KIF18A: variants seen among roughly 807,000 people sequenced by gnomAD.
KIF18A encodes kinesin-like protein KIF18A.
In KIF18A, 67 loss-of-function variants were observed where a neutral mutation model predicts 103.3. That is an observed-to-expected ratio of 0.65 (90% CI 0.53 to 0.79). KIF18A has a LOEUF of 0.79. KIF18A is among the 30% of genes least tolerant of loss of function. KIF18A has a pLI of 0.00. For missense variants in KIF18A, 1,032 were observed against 1,062.5 expected (o/e 0.97, Z 0.40); for synonymous variants, 367 against 355.5 (o/e 1.03, Z -0.36).
intron 2 of KIF18A, among the ~76,000 whole-genome samples, chr11:28,095,918 G>A (rs973947262): frequency 2.0e-5 from 3 of 151,520 alleles, no homozygotes; most frequent in Non-Finnish European, 2.9e-5. Context: ...GGCTAAGATG[G>A]GAGGATTGCT....
chr11:28,062,322 G>T, intron 12 of KIF18A, 73 bp downstream of exon 12: 1 of 1,348,094 alleles, frequency 7.4e-7, no homozygotes. Flanking sequence ...CAACTTTCTG[G>T]CAGTGGAAAA....
intron 1 of KIF18A, 97 bp downstream of exon 1, chr11:28,107,967 C>G (rs1851557276): frequency 6.6e-6 from 1 of 152,208 alleles, no homozygotes; most frequent in Admixed American, 6.5e-5. Context: ...CTGTGTTTGT[C>G]AAGAAGCCCA....
intron 13 of KIF18A, among the ~76,000 whole-genome samples, chr11:28,041,093 C>T (rs1457958877): frequency 1.3e-5 from 2 of 151,748 alleles, no homozygotes; most frequent in African/African-American, 2.4e-5. Flanking sequence ...AAAGAATTCA[C>T]TGTTCATCCC....
intron 10 of KIF18A, among the ~76,000 whole-genome samples, chr11:28,073,084 A>T (rs7938641): frequency 0.089 from 13,501 of 152,030 alleles, 1,115 homozygotes; most frequent in East Asian, 0.4. Flanking sequence ...CTACCTTCCC[A>T]ATCTATTGTT....
chr11:28,084,603 CACA>C, intron 7 of KIF18A, 26 bp downstream of exon 7: 1 of 1,532,794 alleles, frequency 6.5e-7, no homozygotes. Flanking sequence ...ACAATACCTT[CACA>C]ACAAAGGCAG....
chr11:28,058,380 C>A (rs1850809225), intron 13 of KIF18A, among the ~76,000 whole-genome samples: 1 of 149,884 alleles, frequency 6.7e-6, no homozygotes, highest in African/African-American at 2.5e-5. Context: ...GGGTTAGGCA[C>A]AGCAGCTCAT....
intron 11 of KIF18A, among the ~76,000 whole-genome samples, chr11:28,065,309 CTCAGCTATTTTT>C (rs1423899384): frequency 1.3e-5 from 2 of 151,916 alleles, no homozygotes; most frequent in Non-Finnish European, 2.9e-5. Flanking sequence ...AGATAATTTT[CTCAGCTATTTTT>C]TCAGCTATAA....
In KIF18A at chr11:28,058,910, C is replaced by A. The variant is rs202203261; in HGVS notation, c.1948+16G>T. On this transcript the variant is annotated intron_variant, in intron 13 of 16. Transcript: ENST00000263181. ...AAATAATGTTACTATTTACTTAAAA[C>A]GAAAGTTATACTTACAACAAGGAAT... The A allele has an allele frequency of 1.9e-6, 3 of 1,595,716 alleles. No homozygotes were observed. Among genetic ancestry groups the A allele is most frequent in the Admixed American group, 1.7e-5 (1 of 59,544 alleles).
intron 13 of KIF18A, among the ~76,000 whole-genome samples, chr11:28,047,779 C>T (rs1010058725): frequency 2.0e-5 from 3 of 152,032 alleles, no homozygotes; most frequent in African/African-American, 7.2e-5. Flanking sequence ...TAGGAGGCAA[C>T]ATACTACTTC....
At chr11:28,035,599 T>C (rs1850475904) in intron 14 of KIF18A, 105 bp from the exon 15 acceptor site, 1 of 539,874 alleles carries the variant, frequency 1.9e-6, no homozygotes, top group Non-Finnish European at 3.0e-6. Context: ...GGTATTAATA[T>C]ATAAAGAAAA....
chr11:28,105,137 C>T (rs1227564746), intron 1 of KIF18A, among the ~76,000 whole-genome samples: 8 of 151,912 alleles, frequency 5.3e-5, no homozygotes, highest in African/African-American at 1.9e-4. Flanking sequence ...TAGAAATGTA[C>T]TAACAATTGA....
intron 1 of KIF18A, among the ~76,000 whole-genome samples, chr11:28,100,485 CCCGAAAGGAGAAGAT>C (rs1466941910): frequency 1.3e-5 from 2 of 148,242 alleles, no homozygotes; most frequent in African/African-American, 5.0e-5. Context: ...GGGGAAAAAA[CCCGAAAGGAGAAGAT>C]CCATAGACAA....
chr11:28,053,623 T>C (rs538125686), intron 13 of KIF18A, among the ~76,000 whole-genome samples: 1 of 147,918 alleles, frequency 6.8e-6, no homozygotes, highest in Non-Finnish European at 1.5e-5. Context: ...CATTTAACAT[T>C]AGGTATACCT....
intron 1 of KIF18A, among the ~76,000 whole-genome samples, chr11:28,105,460 A>G (rs987902669): frequency 1.9e-4 from 29 of 152,232 alleles, no homozygotes; most frequent in African/African-American, 7.0e-4. Context: ...AAGATGTACA[A>G]TGTGATGGTC....
rs910827817 is a variant in KIF18A, at chr11:28,095,433, C to T, written c.326-633G>A. 1.5e-4 allele frequency among the ~76,000 whole-genome samples: 23 copies of T among 152,182 alleles called. 1 individual carries two copies. Among genetic ancestry groups the T allele is most frequent in the African/African-American group, 5.1e-4 (21 of 41,436 alleles). The stretch of plus-strand genomic sequence containing the variant: ...CTTCCCTCATTGTCCTAGGCAGACA[C>T]ATCCACTCTTTCACTTCAGCCCTTA... On this transcript the variant is annotated intron_variant, in intron 2 of 16. Coordinates refer to ENST00000263181, the MANE Select transcript of KIF18A (RefSeq NM_031217.4).
intron 12 of KIF18A, 36 bp downstream of exon 12, chr11:28,062,359 G>A: frequency 1.3e-6 from 2 of 1,554,392 alleles, no homozygotes; most frequent in South Asian, 2.5e-5. Context: ...CAGATATAGT[G>A]TTAAAATTGG....
chr11:28,105,640 T>A (rs1224864612), intron 1 of KIF18A, among the ~76,000 whole-genome samples: 1 of 152,166 alleles, frequency 6.6e-6, no homozygotes, highest in Non-Finnish European at 1.5e-5. Flanking sequence ...ACCACTCTCT[T>A]ATATTTCCTT....
At chr11:28,068,151 C>G (rs1193174846) in intron 11 of KIF18A, among the ~76,000 whole-genome samples, 1 of 152,078 alleles carries the variant, frequency 6.6e-6, no homozygotes, top group Non-Finnish European at 1.5e-5. Context: ...AGCCATCATT[C>G]TCAGCAAACT....
At chr11:28,068,433 T>TA (rs201902657) in intron 11 of KIF18A, among the ~76,000 whole-genome samples, 165 of 97,774 alleles carry the variant, frequency 1.7e-3, no homozygotes, top group Middle Eastern at 0.013. Flanking sequence ...AACTTAAAGT[T>TA]AAAAAAAAAA....
Sources: allele counts gnomAD v4.1 joint callset (sites outside exome capture counted in the v4.1 genomes callset), GRCh38; gene constraint gnomAD v4.1.1; transcripts MANE v1.5; gene names NCBI Gene and HGNC (gene_info 2026-07-23, HGNC 2026-07-21).